The following CENPQ variants were observed in gnomAD, a reference collection of about 807,000 sequenced individuals.
CENPQ encodes centromere protein Q.
CENPQ carries 27 observed loss-of-function variants against 36.6 expected under a neutral mutation model. The ratio of observed to expected loss-of-function variants is 0.74; its 90% confidence interval spans 0.54 to 1.02. The LOEUF is 1.02. Ranked by LOEUF, CENPQ falls within the 50% of genes least tolerant of loss-of-function variation. The probability of loss-of-function intolerance (pLI) is 0.00; values close to 1 mark genes in which losing one functional copy is unlikely to be tolerated. For synonymous variants in CENPQ, 101 were observed against 101.7 expected (o/e 0.99, Z 0.04); for missense variants, 306 against 301.8 (o/e 1.01, Z -0.10).
chr6:49,466,594 A>C (rs943353131), intron 1 of CENPQ, among the ~76,000 whole-genome samples: 3 of 152,232 alleles, frequency 2.0e-5, no homozygotes, highest in African/African-American at 7.2e-5. Flanking sequence ...GTGCACTATC[A>C]CTAAGCTGTG....
In CENPQ at chr6:49,481,992, G is replaced by A. The variant is rs577354325; in HGVS notation, c.477+912G>A. On this transcript the variant is annotated intron_variant, in intron 6 of 8. Transcript: ENST00000335783. Reference sequence around the variant, plus strand: ...CACAGGGAGGCAGCTAAGGCCCGGCGACAAATTGAGCGCAGGGCCGGTGGG... The same window carrying A: ...CACAGGGAGGCAGCTAAGGCCCGGCAACAAATTGAGCGCAGGGCCGGTGGG... Among the ~76,000 whole-genome samples the A allele has an allele frequency of 2.6e-3, 399 of 152,272 alleles. 4 individuals are homozygous for A. Among genetic ancestry groups the A allele is most frequent in the Admixed American group, 0.018 (281 of 15,308 alleles).
At chr6:49,488,786 C>A in intron 8 of CENPQ, 102 bp downstream of exon 8, 2 of 891,854 alleles carry the variant, frequency 2.2e-6, no homozygotes, top group South Asian at 1.4e-5. Flanking sequence ...TAACGCAAGT[C>A]ACACAAATGT....
chr6:49,467,499 C>A (rs531521282), intron 1 of CENPQ, among the ~76,000 whole-genome samples: 7 of 152,120 alleles, frequency 4.6e-5, no homozygotes, highest in Admixed American at 1.3e-4. Context: ...TGAAAAAAGT[C>A]TTTTTTAAAA....
rs930363291 is a variant in CENPQ, at chr6:49,473,098, A to T, written c.347+240A>T. 3.2e-4 allele frequency among the ~76,000 whole-genome samples: 48 copies of T among 152,060 alleles called. 1 individual carries two copies. The highest frequency in any genetic ancestry group is 1.1e-3 in the African/African-American group (44 of 41,406). ...TCACGAAATTCTGTTTCCACAGTTCACTCTTCCATATCAGAATTTGAAAAC... is the reference window on the plus strand; with the variant it reads ...TCACGAAATTCTGTTTCCACAGTTCTCTCTTCCATATCAGAATTTGAAAAC... On this transcript the variant is annotated intron_variant, in intron 5 of 8. Coordinates refer to ENST00000335783, the MANE Select transcript of CENPQ (RefSeq NM_018132.4).
intron 2 of CENPQ, 58 bp from the exon 3 acceptor site, chr6:49,470,916 G>T: frequency 1.1e-6 from 1 of 947,586 alleles, no homozygotes. Context: ...GTAAAAGCAG[G>T]ATCCTTTTAT....
At chr6:49,475,277 A>G (rs1285439266) in intron 5 of CENPQ, among the ~76,000 whole-genome samples, 1 of 152,182 alleles carries the variant, frequency 6.6e-6, no homozygotes, top group Admixed American at 6.5e-5. Flanking sequence ...CTGGTTCAAC[A>G]TCAATAAACG....
intron 6 of CENPQ, among the ~76,000 whole-genome samples, chr6:49,483,401 A>G (rs1768492501): frequency 6.6e-6 from 1 of 152,170 alleles, no homozygotes; most frequent in South Asian, 2.1e-4. Context: ...GCTGCCTGCC[A>G]GTCCTGTGCT....
intron 6 of CENPQ, among the ~76,000 whole-genome samples, chr6:49,487,234 G>A (rs1263703293): frequency 4.0e-5 from 5 of 124,272 alleles, no homozygotes; most frequent in African/African-American, 1.6e-4. Flanking sequence ...AGAGCTCACA[G>A]TCCCAAAATC....
intron 4 of CENPQ, 46 bp downstream of exon 4, chr6:49,472,229 G>A (rs1484820371): frequency 6.7e-7 from 1 of 1,499,356 alleles, no homozygotes; most frequent in Non-Finnish European, 9.0e-7. Context: ...TCCCATTTAG[G>A]TGTTTCCTAT....
At chr6:49,463,993 G>A (rs1249034158) in intron 1 of CENPQ, among the ~76,000 whole-genome samples, 1 of 152,022 alleles carries the variant, frequency 6.6e-6, no homozygotes, top group African/African-American at 2.4e-5. Flanking sequence ...CCCTGAACAC[G>A]CCAGGTTTTT....
chr6:49,477,183 A>G lies in CENPQ; in HGVS notation c.348-3768A>G, dbSNP rs189771598. 7.9e-3 allele frequency among the ~76,000 whole-genome samples: 1,204 copies of G among 152,270 alleles called. 17 individuals carry two copies. The highest frequency in any genetic ancestry group is 0.026 in the African/African-American group (1,097 of 41,538). On this transcript the variant is annotated intron_variant, in intron 5 of 8. Coordinates refer to ENST00000335783, the MANE Select transcript of CENPQ (RefSeq NM_018132.4). ...TTGGAACCAACCCAAATGTCCATCA[A>G]TGATAGACTGGATTAAGAAAATGTG...
chr6:49,482,367 C>T (rs933980701), intron 6 of CENPQ, among the ~76,000 whole-genome samples: 1 of 152,202 alleles, frequency 6.6e-6, no homozygotes, highest in African/African-American at 2.4e-5. Flanking sequence ...CAAGGGCTGC[C>T]AGCACGCTGT....
At chr6:49,472,693 G>A (rs1768170863) in intron 4 of CENPQ, 97 bp from the exon 5 acceptor site, 1 of 969,156 alleles carries the variant, frequency 1.0e-6, no homozygotes, top group Non-Finnish European at 1.4e-6. Flanking sequence ...CTGGCTAGTG[G>A]GGAGGGGTAC....
intron 6 of CENPQ, among the ~76,000 whole-genome samples, chr6:49,483,502 C>T (rs982480477): frequency 2.0e-5 from 3 of 152,136 alleles, no homozygotes; most frequent in Admixed American, 1.3e-4. Flanking sequence ...TCCTGCTGCA[C>T]AGGAACCCTC....
chr6:49,482,064 G>A (rs1251203284), intron 6 of CENPQ, among the ~76,000 whole-genome samples: 1 of 152,176 alleles, frequency 6.6e-6, no homozygotes, highest in Non-Finnish European at 1.5e-5. Flanking sequence ...CCGCTGGCTT[G>A]GGTGCTAAGC....
chr6:49,476,850 C>T (rs1581848956), intron 5 of CENPQ, among the ~76,000 whole-genome samples: 1 of 152,168 alleles, frequency 6.6e-6, no homozygotes, highest in Non-Finnish European at 1.5e-5. Context: ...CAGAGAAACG[C>T]AAATCAAAAC....
At position 49,492,279 on chromosome 6, in the gene CENPQ, G is replaced by T; in HGVS notation, c.*4G>T. ...TAAGAAACTGGATGCATCTTAAAGAGTGTTTTTTTTTTAGATTGTTCCATA... is the reference window on the plus strand; with the variant it reads ...TAAGAAACTGGATGCATCTTAAAGATTGTTTTTTTTTTAGATTGTTCCATA... On this transcript the variant is annotated 3_prime_UTR_variant, in exon 9 of 9. Coordinates refer to ENST00000335783, the MANE Select transcript of CENPQ (RefSeq NM_018132.4). 6.4e-7 allele frequency: 1 copy of T among 1,564,268 alleles called. No individual in the cohort carries two copies. Among genetic ancestry groups the T allele is most frequent in the African/African-American group, 1.4e-5 (1 of 72,062 alleles).
intron 4 of CENPQ, 87 bp downstream of exon 4, chr6:49,472,270 T>C: frequency 9.1e-7 from 1 of 1,093,358 alleles, no homozygotes. Flanking sequence ...TTGCTATCTA[T>C]TTTAAGGTAA....
At chr6:49,470,946 AT>A (rs2127423907) in intron 2 of CENPQ, 27 bp from the exon 3 acceptor site, 1 of 1,327,738 alleles carries the variant, frequency 7.5e-7, no homozygotes, top group African/African-American at 1.5e-5. Flanking sequence ...AATTCTGTTT[AT>A]GTTTATGCAT....
Sources: gnomAD v4.1 joint callset for allele counts (sites outside exome capture counted in the v4.1 genomes callset) on GRCh38, gnomAD v4.1.1 for gene constraint, MANE v1.5 for transcripts, NCBI Gene and HGNC (gene_info 2026-07-23, HGNC 2026-07-21) for gene names.